The following TULP4 variants were observed in gnomAD, a reference collection of about 807,000 sequenced individuals.
TULP4 encodes tubby-related protein 4.
In TULP4, 16 loss-of-function variants were observed where a neutral mutation model predicts 129.0. That is an observed-to-expected ratio of 0.12 (90% CI 0.08 to 0.19). The LOEUF (loss-of-function observed/expected upper bound fraction) is 0.19. TULP4 is among the 10% of genes least tolerant of loss of function. The pLI is 1.00. For synonymous variants in TULP4, 998 were observed against 854.0 expected, an observed-to-expected ratio of 1.17 and a Z score of -2.94; for missense variants, 1,842 against 2,059.1, an observed-to-expected ratio of 0.89 and a Z score of 2.04.
chr6:158,356,600 G>T (rs1458103374), intron 1 of TULP4, among the ~76,000 whole-genome samples: 1 of 152,092 alleles, frequency 6.6e-6, no homozygotes, highest in Non-Finnish European at 1.5e-5. Context: ...AGGTGGTTGG[G>T]GCTTAGGTGG....
Position 158,410,889 on chromosome 6 carries a change from G to T in TULP4, c.253-2176G>T, listed in dbSNP as rs558289545. On this transcript the variant is annotated intron_variant, in intron 1 of 13. Transcript: ENST00000367097. ...CCCCCTCCTTTGTCTGTGTACAAAG[G>T]ACTGTATTAATGTCTGTTTAGGAAA... Among the ~76,000 whole-genome samples, 11 of 152,134 alleles carry T rather than the reference G, an allele frequency of 7.2e-5. No individual in the cohort carries two copies. The South Asian group carries it at 2.1e-3, about 29-fold the overall frequency.
Position 158,410,700 on chromosome 6 carries a change from C to T in TULP4, c.253-2365C>T, listed in dbSNP as rs867189522. ...TGTCTGTGAAGTGGGCTTTTATTTA[C>T]CATTTGGAAATCCTAAATTTTATGA... On this transcript the variant is annotated intron_variant, in intron 1 of 13. Coordinates refer to ENST00000367097, the MANE Select transcript of TULP4 (RefSeq NM_020245.5). Among the ~76,000 whole-genome samples the T allele has an allele frequency of 2.6e-5, 4 of 151,994 alleles. No homozygotes were observed. The East Asian group carries it at 7.7e-4, about 29-fold the overall frequency.
At chr6:158,242,152 A>G in intron 1 of TULP4, 1 of 1,007,966 alleles carries the variant, frequency 9.9e-7, no homozygotes, top group Admixed American at 1.7e-5. Context: ...AGTGATGGCC[A>G]GTCCTGCCTG....
At chr6:158,258,734 TC>T (rs1778294585) in intron 1 of TULP4, among the ~76,000 whole-genome samples, 1 of 152,160 alleles carries the variant, frequency 6.6e-6, no homozygotes, top group African/African-American at 2.4e-5. Context: ...TAACAAAAAA[TC>T]CTTCAAGATT....
upstream of TULP4, among the ~76,000 whole-genome samples, chr6:158,308,796 C>T (rs1224126029): frequency 6.2e-5 from 9 of 146,300 alleles, no homozygotes; most frequent in South Asian, 2.2e-4. Context: ...GGCAGCTGGC[C>T]GGGCAGAGGG....
chr6:158,400,556 C>T (rs1195236115), intron 1 of TULP4, among the ~76,000 whole-genome samples: 1 of 152,022 alleles, frequency 6.6e-6, no homozygotes, highest in Non-Finnish European at 1.5e-5. Context: ...CAGATCTGAT[C>T]AGATCATCTT....
chr6:158,443,203 C>T (rs1229284184), intron 3 of TULP4, among the ~76,000 whole-genome samples: 10 of 152,070 alleles, frequency 6.6e-5, no homozygotes, highest in Admixed American at 3.9e-4. Context: ...AGGATGGTCT[C>T]GATCTCCTGA....
intron 1 of TULP4, among the ~76,000 whole-genome samples, chr6:158,244,066 C>T (rs924289228): frequency 2.0e-5 from 3 of 152,116 alleles, no homozygotes; most frequent in Non-Finnish European, 4.4e-5. Context: ...ACATTATGAA[C>T]GCCTATTTTA....
At chr6:158,437,700 C>G (rs1478791953) in intron 3 of TULP4, 2 of 152,178 alleles carry the variant, frequency 1.3e-5, no homozygotes, top group African/African-American at 4.8e-5. Flanking sequence ...AAGAATAATT[C>G]ATTCACTTTT....
At chr6:158,330,750 AG>A (rs1254531409) in intron 1 of TULP4, among the ~76,000 whole-genome samples, 13 of 152,226 alleles carry the variant, frequency 8.5e-5, no homozygotes, top group Admixed American at 7.2e-4. Context: ...GATACAGTTT[AG>A]GACCACACAC....
chr6:158,422,329 A>T (rs191181610), intron 2 of TULP4, among the ~76,000 whole-genome samples: 6 of 152,366 alleles, frequency 3.9e-5, no homozygotes, highest in Non-Finnish European at 5.9e-5. Flanking sequence ...AACGTAAATT[A>T]TAAGATGCAG....
intron 1 of TULP4, among the ~76,000 whole-genome samples, chr6:158,383,358 T>G (rs184446653): frequency 1.3e-5 from 2 of 152,348 alleles, no homozygotes; most frequent in Admixed American, 1.3e-4. Context: ...ATGGGATGAT[T>G]ATATCTACTT....
chr6:158,240,388 A>T (rs1435448813), intron 1 of TULP4, among the ~76,000 whole-genome samples: 3 of 56,584 alleles, frequency 5.3e-5, no homozygotes, highest in Non-Finnish European at 7.3e-5. Context: ...CTGGCCGGGC[A>T]GAGGGGCTCC....
At chr6:158,373,258 T>TCAGTCAA (rs1483525232) in intron 1 of TULP4, among the ~76,000 whole-genome samples, 1 of 152,226 alleles carries the variant, frequency 6.6e-6, no homozygotes, top group Non-Finnish European at 1.5e-5. Flanking sequence ...ATTAACCTGT[T>TCAGTCAA]CAGTCAACCC....
intron 1 of TULP4, among the ~76,000 whole-genome samples, chr6:158,364,004 C>A (rs1384044455): frequency 1.3e-5 from 2 of 151,962 alleles, no homozygotes; most frequent in South Asian, 2.1e-4. Flanking sequence ...ATTAAAAAAA[C>A]CCACAATTTT....
chr6:158,340,964 T>C (rs1780167376), intron 1 of TULP4, among the ~76,000 whole-genome samples: 1 of 152,174 alleles, frequency 6.6e-6, no homozygotes, highest in Admixed American at 6.5e-5. Context: ...TTTTTTTGTT[T>C]GTTTGTTTAA....
intron 1 of TULP4, among the ~76,000 whole-genome samples, chr6:158,306,843 A>C (rs1779224190): frequency 6.6e-6 from 1 of 151,986 alleles, no homozygotes; most frequent in South Asian, 2.1e-4. Context: ...AACGTGGCGA[A>C]ACCCTGTCTC....
intron 1 of TULP4, among the ~76,000 whole-genome samples, chr6:158,268,615 T>G (rs1251433872): frequency 1.3e-5 from 2 of 152,190 alleles, no homozygotes; most frequent in Non-Finnish European, 2.9e-5. Context: ...TGCTATTACA[T>G]TTGGTATTAG....
rs1247230114 is a variant in TULP4, at chr6:158,509,034, C to T, written c.*2340C>T. 2 of 151,608 alleles carry T rather than the reference C, an allele frequency of 1.3e-5. No homozygotes were observed. Among genetic ancestry groups the T allele is most frequent in the Non-Finnish European group, 1.5e-5 (1 of 67,958 alleles). The allele number at this position is 151,608 out of a possible 1,614,324, so 9.4% of individuals were successfully genotyped here. A position where few individuals can be genotyped will look rare whatever the true frequency, so the allele number is the denominator to read the frequency against. On this transcript the variant is annotated 3_prime_UTR_variant, in exon 14 of 14. Coordinates refer to ENST00000367097, the MANE Select transcript of TULP4 (RefSeq NM_020245.5). ...TCCCAAGCAGCTGGGATTATAGACA[C>T]CCGCCAACACGCCAGGCTAATGTTT...
Sources: gnomAD v4.1 joint callset for allele counts (sites outside exome capture counted in the v4.1 genomes callset) on GRCh38, gnomAD v4.1.1 for gene constraint, MANE v1.5 for transcripts, NCBI Gene and HGNC (gene_info 2026-07-23, HGNC 2026-07-21) for gene names.